Variants in DSCAM observed in about 807,000 individuals in gnomAD.
DSCAM encodes the protein DS cell adhesion molecule, also known as cell adhesion molecule DSCAM.
A neutral mutation model predicts 217.7 loss-of-function variants in DSCAM; 47 were observed. That is an observed-to-expected ratio of 0.22 (90% CI 0.17 to 0.28). The LOEUF (loss-of-function observed/expected upper bound fraction) is 0.28. DSCAM is among the 10% of genes least tolerant of loss of function. DSCAM has a pLI of 1.00. For synonymous variants in DSCAM, 1,056 were observed against 1,015.3 expected, an observed-to-expected ratio of 1.04 and a Z score of -0.76; for missense variants, 2,080 against 2,618.3, an observed-to-expected ratio of 0.79 and a Z score of 4.49.
At chr21:40,485,893 T>C (rs1036706389) in intron 3 of DSCAM, among the ~76,000 whole-genome samples, 7 of 152,184 alleles carry the variant, frequency 4.6e-5, no homozygotes, top group Admixed American at 4.6e-4. Context: ...ACCTTTTGAC[T>C]ACCAACACAA....
At chr21:40,518,898 C>T (rs1342239599) in intron 3 of DSCAM, among the ~76,000 whole-genome samples, 1 of 151,980 alleles carries the variant, frequency 6.6e-6, no homozygotes, top group African/African-American at 2.4e-5. Flanking sequence ...CTACTACACA[C>T]CTAGGCTTTA....
rs78425769 is a variant in DSCAM at position 40,811,947 on chromosome 21, T to C, written c.43+34672A>G. Among the ~76,000 whole-genome samples the C allele has an allele frequency of 5.4e-4, 82 of 152,302 alleles. No homozygotes were observed. The East Asian group carries it at 0.01, about 19-fold the overall frequency. ...ATTCACTCTCACTATGTTCTCCAAT[T>C]GAGGCATCCTTGCTTCAGCAAAAAG... is the stretch of plus-strand genomic sequence containing the variant. On this transcript the variant is annotated intron_variant, in intron 1 of 32. Transcript: ENST00000400454.
chr21:40,025,829 G>A (rs1305740227), intron 32 of DSCAM, among the ~76,000 whole-genome samples: 1 of 150,612 alleles, frequency 6.6e-6, no homozygotes, highest in Non-Finnish European at 1.5e-5. Context: ...CCAGCTCCTG[G>A]ATTCATTAAT....
intron 11 of DSCAM, among the ~76,000 whole-genome samples, chr21:40,244,113 C>G (rs1049383497): frequency 2.0e-5 from 3 of 152,168 alleles, no homozygotes; most frequent in Non-Finnish European, 2.9e-5. Context: ...GAACTAATAT[C>G]TTATGACTTT....
chr21:40,354,301 A>T lies in DSCAM; in HGVS notation c.656-558T>A, dbSNP rs1842890373. On this transcript the variant is annotated intron_variant, in intron 4 of 32. Transcript: ENST00000400454. Reference sequence around the variant, plus strand: ...TTTGATTTTAACAAATTATATGAATACATTAAATTATCACATGTACCCCAA... The same window carrying T: ...TTTGATTTTAACAAATTATATGAATTCATTAAATTATCACATGTACCCCAA... 2.0e-5 allele frequency among the ~76,000 whole-genome samples: 3 copies of T among 152,348 alleles called. No homozygotes were observed. In the South Asian group the frequency reaches 6.2e-4, roughly 32 times the overall value.
At chr21:40,469,204 A>T (rs1488861043) in intron 3 of DSCAM, among the ~76,000 whole-genome samples, 1 of 152,218 alleles carries the variant, frequency 6.6e-6, no homozygotes, top group Non-Finnish European at 1.5e-5. Flanking sequence ...AAAATTTCTA[A>T]GATAAAAATT....
intron 3 of DSCAM, among the ~76,000 whole-genome samples, chr21:40,609,572 T>C (rs112859067): frequency 1.2e-4 from 19 of 152,316 alleles, no homozygotes; most frequent in South Asian, 4.1e-4. Context: ...TTGGCATCTC[T>C]GCTCTGTGAG....
intron 3 of DSCAM, among the ~76,000 whole-genome samples, chr21:40,520,496 G>A (rs188843861): frequency 2.0e-5 from 3 of 152,016 alleles, no homozygotes; most frequent in African/African-American, 7.3e-5. Context: ...AAACACTAAC[G>A]TGAGAATGGA....
At chr21:40,205,923 A>G (rs1221195525) in intron 11 of DSCAM, among the ~76,000 whole-genome samples, 1 of 152,224 alleles carries the variant, frequency 6.6e-6, no homozygotes, top group Non-Finnish European at 1.5e-5. Flanking sequence ...GGGAGGATTT[A>G]TGCAATAAGT....
At chr21:40,233,722 A>G (rs2091402185) in intron 11 of DSCAM, among the ~76,000 whole-genome samples, 1 of 152,066 alleles carries the variant, frequency 6.6e-6, no homozygotes, top group South Asian at 2.1e-4. Context: ...CACATACGCA[A>G]TTTTTTGGTT....
intron 18 of DSCAM, among the ~76,000 whole-genome samples, chr21:40,139,889 G>A (rs1477576967): frequency 6.7e-6 from 1 of 150,202 alleles, no homozygotes; most frequent in East Asian, 2.0e-4. Flanking sequence ...GTGCATGTGG[G>A]GTGTGTGAGG....
intron 30 of DSCAM, among the ~76,000 whole-genome samples, chr21:40,049,581 G>GA (rs549865345): frequency 5.7e-4 from 86 of 152,072 alleles, no homozygotes; most frequent in African/African-American, 2.0e-3. Context: ...AGGATGAAAT[G>GA]AATGTCTTTT....
chr21:40,811,374 C>A (rs1466481465), intron 1 of DSCAM, among the ~76,000 whole-genome samples: 3 of 152,192 alleles, frequency 2.0e-5, no homozygotes, highest in African/African-American at 2.4e-5. Flanking sequence ...GAGATTAAAT[C>A]CTGAATTGAC....
At chr21:40,373,686 C>A (rs1000660355) in intron 3 of DSCAM, among the ~76,000 whole-genome samples, 2 of 152,174 alleles carry the variant, frequency 1.3e-5, no homozygotes, top group Non-Finnish European at 2.9e-5. Context: ...CTAACTTTTT[C>A]TTGTTCTTAT....
At chr21:40,119,102 G>A (rs1030822273) in intron 20 of DSCAM, among the ~76,000 whole-genome samples, 1 of 152,142 alleles carries the variant, frequency 6.6e-6, no homozygotes, top group African/African-American at 2.4e-5. Flanking sequence ...GAGCATGATC[G>A]TGAAAGAAAA....
chr21:40,043,062 T>C (rs1264072635), intron 31 of DSCAM, among the ~76,000 whole-genome samples: 1 of 152,238 alleles, frequency 6.6e-6, no homozygotes, highest in African/African-American at 2.4e-5. Context: ...CATGAATGAT[T>C]TGAGCTGCAG....
At chr21:40,432,675 A>G (rs370865338) in intron 3 of DSCAM, among the ~76,000 whole-genome samples, 2 of 152,204 alleles carry the variant, frequency 1.3e-5, no homozygotes, top group African/African-American at 4.8e-5. Context: ...CTTTTCATCA[A>G]CGAAGCCAGA....
intron 1 of DSCAM, among the ~76,000 whole-genome samples, chr21:40,746,101 A>G (rs1363985948): frequency 6.6e-6 from 1 of 151,936 alleles, no homozygotes; most frequent in Non-Finnish European, 1.5e-5. Context: ...ACTAGAAAAA[A>G]AAAATCTCTC....
At chr21:40,663,821 C>T (rs1254492049) in intron 3 of DSCAM, among the ~76,000 whole-genome samples, 2 of 152,108 alleles carry the variant, frequency 1.3e-5, no homozygotes, top group East Asian at 3.9e-4. Context: ...TGCTTCTGGG[C>T]CTGAAGGCAG....
Sources: gnomAD v4.1 joint callset for allele counts (sites outside exome capture counted in the v4.1 genomes callset) on GRCh38, gnomAD v4.1.1 for gene constraint, MANE v1.5 for transcripts, NCBI Gene and HGNC (gene_info 2026-07-23, HGNC 2026-07-21) for gene names.